The following GRK5 variants were observed in gnomAD, a reference collection of about 807,000 sequenced individuals.
The protein encoded by GRK5 is g protein-coupled receptor kinase GRK5.
Under a neutral mutation model 78.4 loss-of-function variants are expected in GRK5, and 40 were observed. The observed-to-expected ratio is 0.51, with a 90% CI of 0.40 to 0.66. The LOEUF is 0.66. Ranked by LOEUF, GRK5 falls within the 30% of genes least tolerant of loss-of-function variation. The pLI is 0.00. For missense variants in GRK5, 598 were observed against 759.9 expected (o/e 0.79, Z 2.50); for synonymous variants, 289 against 296.8 (o/e 0.97, Z 0.27).
chr10:119,431,494 G>T lies in GRK5; in HGVS notation c.705G>T (p.Lys235Asn). 1 of 1,613,928 alleles carries T rather than the reference G, an allele frequency of 6.2e-7. No homozygotes were observed. Among genetic ancestry groups the T allele is most frequent in the Non-Finnish European group, 8.5e-7 (1 of 1,179,906 alleles). Residue 235 changes from lysine to asparagine, a missense_variant, in exon 8 of 16, where the codon AAG (lysine) becomes AAT (asparagine). Lys to Asn is a moderately conservative substitution (Grantham distance 94). Coordinates refer to ENST00000392870, the MANE Select transcript of GRK5 (RefSeq NM_005308.3). This position sits in a 1 kb window ranked among gnomAD's most constrained non-coding sequence, Gnocchi z 4.8. Reference sequence around the variant, plus strand: ...GGGAGTCCATGGCCCTCAATGAGAAGCAGATCCTCGAGAAGGTCAACAGTC... The same window carrying T: ...GGGAGTCCATGGCCCTCAATGAGAATCAGATCCTCGAGAAGGTCAACAGTC... ...RKGESMALNE[K>N]QILEKVNSQF...
intron 1 of GRK5, among the ~76,000 whole-genome samples, chr10:119,286,723 A>C (rs1849853248): frequency 6.6e-6 from 1 of 152,238 alleles, no homozygotes; most frequent in African/African-American, 2.4e-5. Context: ...ACCCCTTGGA[A>C]GCGGTCACTT....
intron 1 of GRK5, among the ~76,000 whole-genome samples, chr10:119,309,075 G>T (rs935324660): frequency 1.3e-5 from 2 of 152,194 alleles, no homozygotes; most frequent in Non-Finnish European, 2.9e-5. Context: ...GGCCACCTTC[G>T]GAGTTCTTGC....
rs140234655 is a variant in GRK5 at position 119,249,083 on chromosome 10, A to T, written c.52+41114A>T. ...CAGAAGTTCAAGACCAGCCTGGTCA[A>T]CATGGTGAAACCCCGTCTTTACTAA... On this transcript the variant is annotated intron_variant, in intron 1 of 15. Coordinates refer to ENST00000392870, the MANE Select transcript of GRK5 (RefSeq NM_005308.3). 2.7e-4 allele frequency among the ~76,000 whole-genome samples: 41 copies of T among 152,298 alleles called. 1 individual carries two copies. The East Asian group carries it at 7.5e-3, about 28-fold the overall frequency.
intron 1 of GRK5, among the ~76,000 whole-genome samples, chr10:119,289,631 C>G (rs534702133): frequency 6.6e-6 from 1 of 152,182 alleles, no homozygotes; most frequent in Non-Finnish European, 1.5e-5. Context: ...GTGGTGAACC[C>G]GGAGAAACAT....
Position 119,274,655 on chromosome 10 carries a change from T to C in GRK5, c.53-51861T>C, listed in dbSNP as rs565240583. Reference sequence around the variant, plus strand: ...AGGCTGGGTATTTCTCCCTCTAGACTGTTGCCCACAGCTGGAGGCAAAGGG... The same window carrying C: ...AGGCTGGGTATTTCTCCCTCTAGACCGTTGCCCACAGCTGGAGGCAAAGGG... On this transcript the variant is annotated intron_variant, in intron 1 of 15. Coordinates refer to ENST00000392870, the MANE Select transcript of GRK5 (RefSeq NM_005308.3). Among the ~76,000 whole-genome samples, 3 of 151,912 alleles carry C rather than the reference T, an allele frequency of 2.0e-5. No homozygotes were observed. In the South Asian group the frequency reaches 6.2e-4, roughly 31 times the overall value.
intron 1 of GRK5, among the ~76,000 whole-genome samples, chr10:119,321,654 T>G (rs908600222): frequency 6.6e-6 from 1 of 152,218 alleles, no homozygotes; most frequent in African/African-American, 2.4e-5. Flanking sequence ...ATCCACAAAC[T>G]TAATGCTCAT....
intron 2 of GRK5, among the ~76,000 whole-genome samples, chr10:119,345,147 T>G (rs997944753): frequency 1.3e-5 from 2 of 151,992 alleles, no homozygotes; most frequent in African/African-American, 4.8e-5. Flanking sequence ...TTTTTGTATT[T>G]TTAGTAGAGA....
chr10:119,249,746 C>T (rs1426904800), intron 1 of GRK5, among the ~76,000 whole-genome samples: 6 of 152,230 alleles, frequency 3.9e-5, no homozygotes, highest in Non-Finnish European at 5.9e-5. Flanking sequence ...GGTGATCTGC[C>T]TACCTCGGCC....
chr10:119,223,670 C>T (rs911023575), intron 1 of GRK5, among the ~76,000 whole-genome samples: 11 of 150,668 alleles, frequency 7.3e-5, no homozygotes, highest in Admixed American at 1.3e-4. Flanking sequence ...GCAGCCTATC[C>T]GATTTTAAAC....
At chr10:119,214,726 C>A (rs1262265520) in intron 1 of GRK5, among the ~76,000 whole-genome samples, 1 of 152,046 alleles carries the variant, frequency 6.6e-6, no homozygotes, top group East Asian at 1.9e-4. Context: ...CGCCCTGTTG[C>A]CCAGGTTGGT....
chr10:119,227,284 A>C (rs945826531), intron 1 of GRK5, among the ~76,000 whole-genome samples: 24 of 152,164 alleles, frequency 1.6e-4, no homozygotes, highest in Non-Finnish European at 4.4e-5. Flanking sequence ...AGTATATAAT[A>C]GGCTGGGCAC....
In GRK5 at chr10:119,361,124, C is replaced by T. The variant is rs1198955005; in HGVS notation, c.149-19691C>T. On this transcript the variant is annotated intron_variant, in intron 2 of 15. Transcript: ENST00000392870. ...ATGCACTGTGACCTTGGGCAATGCA[C>T]AGACCTTAAACTGGCTGTGCCCTGG... Among the ~76,000 whole-genome samples, 5 of 152,362 alleles carry T rather than the reference C, an allele frequency of 3.3e-5. No homozygotes were observed. The East Asian group carries it at 5.8e-4, about 18-fold the overall frequency.
chr10:119,302,940 A>T (rs1284647868), intron 1 of GRK5, among the ~76,000 whole-genome samples: 1 of 152,228 alleles, frequency 6.6e-6, no homozygotes, highest in Admixed American at 6.5e-5. Context: ...TGGTGACAGC[A>T]CCTGCTCCCC....
At chr10:119,399,912 C>T (rs916408616) in intron 4 of GRK5, among the ~76,000 whole-genome samples, 4 of 152,200 alleles carry the variant, frequency 2.6e-5, no homozygotes, top group African/African-American at 9.7e-5. Context: ...ATGTCCATAC[C>T]TTGTGGCCTT....
chr10:119,208,029 G>A (rs1848417670), intron 1 of GRK5, 60 bp downstream of exon 1: 2 of 1,530,574 alleles, frequency 1.3e-6, no homozygotes, highest in Non-Finnish European at 8.9e-7. Context: ...TGCGGGTGTC[G>A]GGTGGCGTGC....
chr10:119,234,518 G>A (rs1011468269), intron 1 of GRK5, among the ~76,000 whole-genome samples: 2 of 152,128 alleles, frequency 1.3e-5, no homozygotes, highest in African/African-American at 2.4e-5. Flanking sequence ...ACATTTGGGG[G>A]TTACTTTTTT....
At chr10:119,409,196 G>A (rs920858091) in intron 4 of GRK5, among the ~76,000 whole-genome samples, 3 of 152,288 alleles carry the variant, frequency 2.0e-5, no homozygotes, top group East Asian at 1.9e-4. Context: ...AGTCTCCTGC[G>A]CGGCATATTT....
At chr10:119,292,727 C>T (rs561994470) in intron 1 of GRK5, among the ~76,000 whole-genome samples, 60 of 152,194 alleles carry the variant, frequency 3.9e-4, no homozygotes, top group African/African-American at 1.4e-3. Flanking sequence ...CTATACACAG[C>T]CTCTGGTATA....
At chr10:119,240,189 C>CA (rs1849000705) in intron 1 of GRK5, among the ~76,000 whole-genome samples, 1 of 70,112 alleles carries the variant, frequency 1.4e-5, no homozygotes, top group African/African-American at 6.2e-5. Context: ...TGTTTCCCGA[C>CA]TTTTTTTTTT....
Sources: allele counts gnomAD v4.1 joint callset (sites outside exome capture counted in the v4.1 genomes callset), GRCh38; gene constraint gnomAD v4.1.1; non-coding constraint Gnocchi (gnomAD v3.1); transcripts MANE v1.5; gene names NCBI Gene and HGNC (gene_info 2026-07-23, HGNC 2026-07-21).